LCLAT1: variants seen among roughly 807,000 people sequenced by gnomAD.
The protein encoded by LCLAT1 is 1-AGP acyltransferase 8.
Under a neutral mutation model 30.7 loss-of-function variants are expected in LCLAT1, and 11 were observed. The observed-to-expected ratio is 0.36, with a 90% confidence interval of 0.23 to 0.59. The LOEUF (loss-of-function observed/expected upper bound fraction) is 0.59. Among genes scored for constraint, LCLAT1 ranks in the 20% least tolerant of loss-of-function variants. The pLI is 0.77. For synonymous variants in LCLAT1, 155 were observed against 151.3 expected (o/e 1.02, Z -0.18); for missense variants, 402 against 458.6 (o/e 0.88, Z 1.13).
rs1255596379 is a variant in LCLAT1, at chr2:30,636,986, G to A, written c.629-3131G>A. On this transcript the variant is annotated intron_variant, in intron 5 of 5. Coordinates refer to ENST00000379509, the MANE Select transcript of LCLAT1 (RefSeq NM_001002257.3). ...ATGAAGACCTGTAATCCTGATTGAG[G>A]AGAGAAGTATTTACACAGATGTTAG... Among the ~76,000 whole-genome samples the A allele has an allele frequency of 3.3e-5, 5 of 152,214 alleles. No individual in the cohort carries two copies. The East Asian group carries it at 9.6e-4, about 29-fold the overall frequency.
At position 30,523,803 on chromosome 2, in the gene LCLAT1, G is replaced by A. The variant is rs140470240; in HGVS notation, c.-4-1784G>A. 6.9e-3 allele frequency among the ~76,000 whole-genome samples: 1,058 copies of A among 152,320 alleles called. 11 individuals carry two copies. The highest frequency in any genetic ancestry group is 0.024 in the African/African-American group (1,004 of 41,564). On this transcript the variant is annotated intron_variant, in intron 1 of 5. Transcript: ENST00000379509. ...GAATCGCTTGAACCCGGGAGGCAGA[G>A]CTTGCAGTGAGCCCAGATCGCACCA...
chr2:30,604,930 G>A (rs1226763875), intron 5 of LCLAT1, among the ~76,000 whole-genome samples: 1 of 152,196 alleles, frequency 6.6e-6, no homozygotes, highest in African/African-American at 2.4e-5. Flanking sequence ...GAAAAAGGCT[G>A]CCTCAAGGCA....
intron 5 of LCLAT1, among the ~76,000 whole-genome samples, chr2:30,631,743 G>T (rs1468456479): frequency 7.9e-5 from 12 of 152,134 alleles, no homozygotes; most frequent in Admixed American, 7.9e-4. Context: ...ACTTTCCACG[G>T]TTTTAAATTG....
chr2:30,501,429 A>C (rs971241945), intron 1 of LCLAT1, among the ~76,000 whole-genome samples: 2 of 152,212 alleles, frequency 1.3e-5, no homozygotes, highest in African/African-American at 4.8e-5. Flanking sequence ...TTTGTAAAGA[A>C]TATGAGCAGT....
Position 30,641,628 on chromosome 2 carries a change from CCCCTTGTAG to C in LCLAT1, c.*1012_*1020del, listed in dbSNP as rs1305541263. On this transcript the variant is annotated 3_prime_UTR_variant, in exon 6 of 6. Coordinates refer to ENST00000379509, the MANE Select transcript of LCLAT1 (RefSeq NM_001002257.3). ...TAATGGTTTATCCTAAATTACTCAA[CCCCTTGTAG>C]CCTTGACAAATTTTACCTTAAAACC... 1 of 152,154 alleles carries C rather than the reference CCCCTTGTAG, an allele frequency of 6.6e-6. No homozygotes were observed. The highest frequency in any genetic ancestry group is 1.5e-5 in the Non-Finnish European group (1 of 68,028). The allele number at this position is 152,154 out of a possible 1,614,324, so 9.4% of individuals were successfully genotyped here. A position where few individuals can be genotyped will look rare whatever the true frequency, so the allele number is the denominator to read the frequency against.
chr2:30,469,307 C>G (rs953538015), intron 1 of LCLAT1, among the ~76,000 whole-genome samples: 1 of 151,828 alleles, frequency 6.6e-6, no homozygotes, highest in Non-Finnish European at 1.5e-5. Context: ...TGTAACAATC[C>G]CTTGCCAAAT....
At chr2:30,490,888 T>C (rs1391366608) in intron 1 of LCLAT1, among the ~76,000 whole-genome samples, 1 of 152,236 alleles carries the variant, frequency 6.6e-6, no homozygotes. Flanking sequence ...TGAGATGTGT[T>C]GTAAGTATAA....
chr2:30,632,078 C>T (rs1335680806), intron 5 of LCLAT1, among the ~76,000 whole-genome samples: 3 of 152,150 alleles, frequency 2.0e-5, no homozygotes, highest in African/African-American at 7.2e-5. Flanking sequence ...AAAACACAAA[C>T]AGTGCAACAG....
chr2:30,449,977 G>A (rs955119580), intron 1 of LCLAT1, among the ~76,000 whole-genome samples: 4 of 152,066 alleles, frequency 2.6e-5, no homozygotes, highest in African/African-American at 7.2e-5. Flanking sequence ...AATAAAATAG[G>A]ATGAGTAAAA....
At chr2:30,498,890 C>A (rs926665245) in intron 1 of LCLAT1, among the ~76,000 whole-genome samples, 1 of 152,150 alleles carries the variant, frequency 6.6e-6, no homozygotes, top group African/African-American at 2.4e-5. Context: ...GAGTGGGAAG[C>A]CTGCCCTTAG....
At chr2:30,540,439 A>C (rs978850267) in intron 3 of LCLAT1, among the ~76,000 whole-genome samples, 3 of 152,220 alleles carry the variant, frequency 2.0e-5, no homozygotes, top group African/African-American at 7.2e-5. Flanking sequence ...AGTATTTCAC[A>C]TAAAACTGAA....
intron 1 of LCLAT1, among the ~76,000 whole-genome samples, chr2:30,481,258 C>G (rs1399082554): frequency 6.6e-5 from 10 of 152,128 alleles, no homozygotes; most frequent in African/African-American, 2.4e-4. Context: ...AATTATGTAA[C>G]TGGATTTACA....
chr2:30,480,416 A>T (rs931777005), intron 1 of LCLAT1, among the ~76,000 whole-genome samples: 10 of 152,122 alleles, frequency 6.6e-5, no homozygotes, highest in Admixed American at 2.0e-4. Context: ...GCTGGTCTCC[A>T]ACTTCTGAGT....
intron 1 of LCLAT1, among the ~76,000 whole-genome samples, chr2:30,458,905 A>C (rs2148268589): frequency 6.6e-6 from 1 of 152,332 alleles, no homozygotes; most frequent in East Asian, 1.9e-4. Flanking sequence ...ATACCTATAA[A>C]TGTAGGTATG....
intron 1 of LCLAT1, among the ~76,000 whole-genome samples, chr2:30,505,571 C>T (rs1684619659): frequency 1.3e-5 from 2 of 152,004 alleles, no homozygotes; most frequent in African/African-American, 4.8e-5. Flanking sequence ...TAGAGAAGTA[C>T]ATAAATCACA....
At chr2:30,610,373 A>G (rs1354798758) in intron 5 of LCLAT1, among the ~76,000 whole-genome samples, 4 of 149,152 alleles carry the variant, frequency 2.7e-5, no homozygotes, top group African/African-American at 9.7e-5. Flanking sequence ...GCCTATAATA[A>G]TTATTCATCT....
chr2:30,454,482 A>C (rs1681723402), intron 1 of LCLAT1, among the ~76,000 whole-genome samples: 1 of 152,012 alleles, frequency 6.6e-6, no homozygotes, highest in East Asian at 1.9e-4. Context: ...ACAGGGTCTC[A>C]CTCTGTTGCC....
chr2:30,516,324 C>T (rs944036613), intron 1 of LCLAT1, among the ~76,000 whole-genome samples: 5 of 152,134 alleles, frequency 3.3e-5, no homozygotes, highest in Admixed American at 6.5e-5. Context: ...TTTCACTCGC[C>T]GTCCACCACT....
chr2:30,509,681 T>G (rs918171520), intron 1 of LCLAT1, among the ~76,000 whole-genome samples: 10 of 152,252 alleles, frequency 6.6e-5, no homozygotes, highest in Admixed American at 6.5e-4. Context: ...TTCTCCTGCC[T>G]CAGCTTCCCA....
Sources: allele counts gnomAD v4.1 joint callset (sites outside exome capture counted in the v4.1 genomes callset), GRCh38; gene constraint gnomAD v4.1.1; transcripts MANE v1.5; gene names NCBI Gene and HGNC (gene_info 2026-07-23, HGNC 2026-07-21).